Variants in KIAA2012 observed in about 807,000 individuals in gnomAD.
KIAA2012 encodes the protein KIAA2012, also known as uncharacterized protein KIAA2012.
KIAA2012 carries 125 observed loss-of-function variants against 150.6 expected under a neutral mutation model. The ratio of observed to expected loss-of-function variants is 0.83; its 90% CI spans 0.72 to 0.96. The LOEUF (loss-of-function observed/expected upper bound fraction) is 0.96. Ranked by LOEUF, KIAA2012 falls within the 40% of genes least tolerant of loss-of-function variation. The probability of loss-of-function intolerance (pLI) is 0.00; values close to 1 mark genes in which losing one functional copy is unlikely to be tolerated. For missense variants in KIAA2012, 1,219 were observed against 1,354.9 expected, an observed-to-expected ratio of 0.90 and a Z score of 1.57; for synonymous variants, 462 against 504.7, an observed-to-expected ratio of 0.92 and a Z score of 1.13.
chr2:202,119,189 T>C (rs981335666), intron 11 of KIAA2012, among the ~76,000 whole-genome samples: 6 of 152,032 alleles, frequency 3.9e-5, no homozygotes, highest in Admixed American at 2.0e-4. Context: ...GGAGAATTAC[T>C]TGAACCTGGG....
chr2:202,138,418 G>A lies in KIAA2012; in HGVS notation c.1832-14G>A. The stretch of plus-strand genomic sequence containing the variant: ...ACCACCTTGATCTTTTTTCCTCTTT[G>A]ATTTTCACTACAGCAAACACTGAAC... On this transcript the variant is annotated splice_polypyrimidine_tract_variant and intron_variant, in intron 12 of 23. Transcript: ENST00000498697. 1.3e-6 allele frequency: 2 copies of A among 1,548,852 alleles called. No homozygotes were observed. The highest frequency in any genetic ancestry group is 2.4e-5 in the South Asian group (2 of 83,926).
At chr2:202,142,988 C>A (rs1174172451) in intron 13 of KIAA2012, among the ~76,000 whole-genome samples, 1 of 150,754 alleles carries the variant, frequency 6.6e-6, no homozygotes, top group Non-Finnish European at 1.5e-5. Flanking sequence ...ACAACCCTCC[C>A]CAGTTGTGAC....
chr2:202,097,273 C>T (rs769309614), intron 4 of KIAA2012, among the ~76,000 whole-genome samples, 162 bp from the exon 5 acceptor site: 3 of 152,174 alleles, frequency 2.0e-5, no homozygotes, highest in Non-Finnish European at 2.9e-5. Flanking sequence ...CTGCCACTTC[C>T]GAGGAGGCAC....
intron 19 of KIAA2012, 123 bp downstream of exon 19, chr2:202,190,616 C>T (rs912805041): frequency 2.8e-6 from 2 of 725,222 alleles, no homozygotes; most frequent in African/African-American, 1.8e-5. Context: ...ACCTAATGGT[C>T]TTATTGTTCT....
chr2:202,189,461 TTTGTATTTTTAGTAGA>T (rs1327420346), intron 18 of KIAA2012, among the ~76,000 whole-genome samples: 3 of 151,888 alleles, frequency 2.0e-5, no homozygotes, highest in African/African-American at 7.3e-5. Context: ...CCAGCTAATT[TTTGTATTTTTAGTAGA>T]GACAGGGTTT....
intron 14 of KIAA2012, among the ~76,000 whole-genome samples, chr2:202,164,189 G>T (rs1000928063): frequency 6.6e-6 from 1 of 151,944 alleles, no homozygotes; most frequent in Non-Finnish European, 1.5e-5. Flanking sequence ...CAAAGGCCCA[G>T]ATCTGGCCTC....
At chr2:202,130,188 C>T (rs866398981) in intron 12 of KIAA2012, among the ~76,000 whole-genome samples, 9 of 152,192 alleles carry the variant, frequency 5.9e-5, no homozygotes, top group Admixed American at 2.0e-4. Flanking sequence ...TTTAATAAAT[C>T]ACTCTAAGCC....
At chr2:202,139,073 T>C (rs1321534166) in intron 13 of KIAA2012, among the ~76,000 whole-genome samples, 1 of 151,766 alleles carries the variant, frequency 6.6e-6, no homozygotes, top group Non-Finnish European at 1.5e-5. Context: ...CAACCCCGTG[T>C]CTACTAAAAA....
chr2:202,110,085 A>G (rs902787247), intron 10 of KIAA2012, among the ~76,000 whole-genome samples: 7 of 152,160 alleles, frequency 4.6e-5, no homozygotes, highest in African/African-American at 1.7e-4. Context: ...GGGGAGACAC[A>G]CTACTGGATT....
intron 7 of KIAA2012, 148 bp downstream of exon 7, chr2:202,100,597 C>A: frequency 1.2e-6 from 1 of 841,402 alleles, no homozygotes; most frequent in Non-Finnish European, 1.7e-6. Flanking sequence ...CCAGGTGGAG[C>A]TGAATAGAGC....
At chr2:202,078,616 C>CA (rs1689378025) in intron 2 of KIAA2012, among the ~76,000 whole-genome samples, 1 of 152,038 alleles carries the variant, frequency 6.6e-6, no homozygotes, top group African/African-American at 2.4e-5. Context: ...AAGCAGATTA[C>CA]AAAAATGTAT....
chr2:202,082,849 A>AT (rs34900065), intron 2 of KIAA2012, among the ~76,000 whole-genome samples: 24 of 142,328 alleles, frequency 1.7e-4, no homozygotes, highest in African/African-American at 3.9e-4. Flanking sequence ...GTCCAATTTC[A>AT]TTTTTTTTTT....
At chr2:202,190,522 A>C in intron 19 of KIAA2012, 29 bp downstream of exon 19, 1 of 1,451,994 alleles carries the variant, frequency 6.9e-7, no homozygotes, top group Non-Finnish European at 9.1e-7. Flanking sequence ...AGCTTGACAG[A>C]GGAAGTTCTG....
At chr2:202,160,790 A>G (rs1398358856) in intron 14 of KIAA2012, among the ~76,000 whole-genome samples, 1 of 152,158 alleles carries the variant, frequency 6.6e-6, no homozygotes, top group African/African-American at 2.4e-5. Flanking sequence ...GGAATTTCCA[A>G]ATGTCTCTTC....
chr2:202,127,770 A>T (rs1483269867), intron 12 of KIAA2012, among the ~76,000 whole-genome samples: 2 of 152,162 alleles, frequency 1.3e-5, no homozygotes, highest in African/African-American at 4.8e-5. Context: ...CTCTGCCTGG[A>T]GCACAGTTCC....
intron 15 of KIAA2012, among the ~76,000 whole-genome samples, chr2:202,170,155 G>A (rs1691855957): frequency 6.6e-6 from 1 of 152,198 alleles, no homozygotes; most frequent in Non-Finnish European, 1.5e-5. Flanking sequence ...GGCCATCCCT[G>A]TGCCATTTGT....
intron 15 of KIAA2012, among the ~76,000 whole-genome samples, chr2:202,169,913 G>A (rs1691850497): frequency 6.6e-6 from 1 of 152,160 alleles, no homozygotes; most frequent in South Asian, 2.1e-4. Flanking sequence ...CATAAACCAA[G>A]GAGGTCGGGA....
At chr2:202,145,874 G>A (rs960217535) in intron 13 of KIAA2012, among the ~76,000 whole-genome samples, 8 of 151,596 alleles carry the variant, frequency 5.3e-5, no homozygotes, top group African/African-American at 1.9e-4. Flanking sequence ...TAGTAGAGTC[G>A]GGGTTTCGCC....
intron 15 of KIAA2012, chr2:202,179,264 A>G (rs530606323): frequency 3.8e-4 from 390 of 1,038,840 alleles, no homozygotes; most frequent in South Asian, 2.8e-3. Context: ...TAAAAACTGT[A>G]CATACTTGTG....
Sources: allele counts gnomAD v4.1 joint callset (sites outside exome capture counted in the v4.1 genomes callset), GRCh38; gene constraint gnomAD v4.1.1; transcripts MANE v1.5; gene names NCBI Gene and HGNC (gene_info 2026-07-23, HGNC 2026-07-21).